PDZD2: variants seen among roughly 807,000 people sequenced by gnomAD.
PDZD2 encodes PDZ domain-containing protein 2.
Under a neutral mutation model 220.7 loss-of-function variants are expected in PDZD2, and 90 were observed. The observed-to-expected ratio is 0.41, with a 90% CI of 0.34 to 0.49. The LOEUF (loss-of-function observed/expected upper bound fraction) is 0.49, where lower values mean the gene tolerates loss of function less well. Among genes scored for constraint, PDZD2 ranks in the 20% least tolerant of loss-of-function variants. The pLI is 0.28. For missense variants in PDZD2, 3,174 were observed against 3,608.5 expected, an observed-to-expected ratio of 0.88 and a Z score of 3.08; for synonymous variants, 1,375 against 1,450.5, an observed-to-expected ratio of 0.95 and a Z score of 1.18.
chr5:31,977,765 G>T (rs915185610), intron 2 of PDZD2, among the ~76,000 whole-genome samples: 8 of 152,196 alleles, frequency 5.3e-5, no homozygotes, highest in Non-Finnish European at 1.2e-4. Flanking sequence ...TTGAGGCCAG[G>T]AGTTCGAGAC....
At chr5:32,077,816 G>A (rs1324815513) in intron 19 of PDZD2, 1 of 459,428 alleles carries the variant, frequency 2.2e-6, no homozygotes, top group East Asian at 4.6e-5. Context: ...AATTAGCCGG[G>A]CGTGGTGGTG....
chr5:32,045,423 C>CTT (rs201242107), intron 7 of PDZD2, among the ~76,000 whole-genome samples: 1 of 143,484 alleles, frequency 7.0e-6, no homozygotes, highest in Non-Finnish European at 1.5e-5. Context: ...TGTGATCTTT[C>CTT]TTTTTTTTTT....
chr5:31,704,497 TAA>T (rs966490388), intron 1 of PDZD2, among the ~76,000 whole-genome samples: 1 of 152,210 alleles, frequency 6.6e-6, no homozygotes, highest in Non-Finnish European at 1.5e-5. Context: ...TGTGTTTCTT[TAA>T]AATAATAAGT....
chr5:31,799,441 G>A lies in PDZD2; in HGVS notation c.193G>A (p.Glu65Lys), dbSNP rs777626634. The A allele has an allele frequency of 1.9e-5, 30 of 1,614,070 alleles. No individual in the cohort carries two copies. The highest frequency in any genetic ancestry group is 1.6e-4 in the Middle Eastern group (1 of 6,084). ...GGTCCCACCTGATCACAGCCCCCCC[G>A]AAATGGAGATCTGTACTGTGTACCT... ...STVPPDHSPPEMEICTVYLTK... is the reference protein window; with the variant it reads ...STVPPDHSPPKMEICTVYLTK... The change falls in exon 2 of 25, where the codon GAA (glutamate) becomes AAA (lysine). Residue 65 changes from glutamate (E) to lysine (K), a missense_variant. By Grantham distance (56) the Glu-to-Lys change is moderately conservative. Transcript: ENST00000438447.
intron 2 of PDZD2, among the ~76,000 whole-genome samples, chr5:31,834,261 A>G (rs182511437): frequency 6.6e-6 from 1 of 152,302 alleles, no homozygotes; most frequent in African/African-American, 2.4e-5. Context: ...GCTCTCCTCC[A>G]CTGCTAGCTG....
At chr5:31,893,081 A>G (rs1466754837) in intron 2 of PDZD2, among the ~76,000 whole-genome samples, 1 of 125,564 alleles carries the variant, frequency 8.0e-6, no homozygotes, top group Admixed American at 8.3e-5. Context: ...AAGAAAGAAT[A>G]TTTTTTTGGA....
chr5:31,641,797 C>T (rs987607213), intron 1 of PDZD2, among the ~76,000 whole-genome samples: 5 of 152,138 alleles, frequency 3.3e-5, no homozygotes, highest in African/African-American at 9.7e-5. Context: ...CCTGGCCCCT[C>T]GTTCTGCTCC....
In PDZD2 at chr5:32,097,369, A is replaced by G. The variant is rs148207259; in HGVS notation, c.7936A>G (p.Lys2646Glu). The G allele has an allele frequency of 6.9e-5, 111 of 1,603,836 alleles. No homozygotes were observed. The highest frequency in any genetic ancestry group is 9.1e-5 in the Non-Finnish European group (107 of 1,170,710). ...GGCAGGAGGGACAGATGTGGAGCCA[A>G]AATCAATCACGGTAAGTGACAGAGT... Reference protein sequence around the residue: ...SVAGGTDVEPKSITVHRVFSQ... With the variant: ...SVAGGTDVEPESITVHRVFSQ... The change falls in exon 22 of 25, where the codon AAA becomes GAA. Residue 2646 changes from lysine to glutamate, a missense_variant. Lys to Glu is a moderately conservative substitution (Grantham distance 56). This residue lies in a region of PDZD2 where 631 missense variants were observed against 789.9 expected (regional missense o/e 0.80). Transcript: ENST00000438447.
chr5:32,021,860 T>A (rs190116627), intron 6 of PDZD2, among the ~76,000 whole-genome samples: 274 of 152,324 alleles, frequency 1.8e-3, no homozygotes, highest in Admixed American at 3.7e-3. Context: ...AAGGTGGCCT[T>A]TGTGTCACCC....
At chr5:32,044,243 C>T (rs1378436673) in intron 7 of PDZD2, among the ~76,000 whole-genome samples, 3 of 152,092 alleles carry the variant, frequency 2.0e-5, no homozygotes, top group Admixed American at 6.5e-5. Context: ...ACAGGAGAAT[C>T]GCTTGAACCC....
intron 1 of PDZD2, among the ~76,000 whole-genome samples, chr5:31,794,249 A>G (rs1452090656): frequency 6.6e-6 from 1 of 152,142 alleles, no homozygotes; most frequent in Non-Finnish European, 1.5e-5. Flanking sequence ...CATTTGTTTA[A>G]TAATTCACCA....
chr5:32,004,590 C>CA (rs1211127642), intron 5 of PDZD2, among the ~76,000 whole-genome samples: 1 of 152,128 alleles, frequency 6.6e-6, no homozygotes, highest in South Asian at 2.1e-4. Context: ...GACCCTGTCT[C>CA]AAAAAACAAA....
At chr5:31,886,436 TTCCTCTC>T (rs1028904342) in intron 2 of PDZD2, among the ~76,000 whole-genome samples, 11 of 152,216 alleles carry the variant, frequency 7.2e-5, no homozygotes, top group East Asian at 1.9e-4. Flanking sequence ...CCGGACTCCC[TTCCTCTC>T]TCCTCTCTCC....
intron 2 of PDZD2, among the ~76,000 whole-genome samples, chr5:31,920,576 A>G (rs1744154182): frequency 6.6e-6 from 1 of 151,806 alleles, no homozygotes; most frequent in Non-Finnish European, 1.5e-5. Context: ...GAAGACTGAG[A>G]CAGGAAGATC....
chr5:31,927,277 G>A lies in PDZD2; in HGVS notation c.477-55878G>A, dbSNP rs571899615. On this transcript the variant is annotated intron_variant, in intron 2 of 24. Transcript: ENST00000438447. Reference sequence around the variant, plus strand: ...AACATAGTACCATGTTGCATCATGGGAGAGAAAAAAAGTGAGGGCAGGGCT... The same window carrying A: ...AACATAGTACCATGTTGCATCATGGAAGAGAAAAAAAGTGAGGGCAGGGCT... Among the ~76,000 whole-genome samples, 5 of 152,278 alleles carry A rather than the reference G, an allele frequency of 3.3e-5. No individual in the cohort carries two copies. The South Asian group carries it at 1.0e-3, about 32-fold the overall frequency.
At chr5:32,047,556 A>G (rs1581370766) in intron 7 of PDZD2, among the ~76,000 whole-genome samples, 3 of 152,232 alleles carry the variant, frequency 2.0e-5, no homozygotes, top group African/African-American at 7.2e-5. Context: ...GAAAAAGAAT[A>G]CGCAACAAAG....
intron 5 of PDZD2, among the ~76,000 whole-genome samples, chr5:32,009,447 G>T (rs1200669219): frequency 1.3e-5 from 2 of 151,990 alleles, no homozygotes; most frequent in Non-Finnish European, 2.9e-5. Context: ...AGGATCTTGG[G>T]CCAGGTGCGG....
intron 1 of PDZD2, among the ~76,000 whole-genome samples, chr5:31,717,485 T>G (rs915837450): frequency 1.3e-5 from 2 of 152,180 alleles, no homozygotes; most frequent in African/African-American, 4.8e-5. Flanking sequence ...GCCAGTAGCT[T>G]ACCTGGCCAC....
At chr5:32,094,114 C>T (rs1371128452) in intron 21 of PDZD2, among the ~76,000 whole-genome samples, 1 of 152,172 alleles carries the variant, frequency 6.6e-6, no homozygotes, top group Non-Finnish European at 1.5e-5. Flanking sequence ...CTTGCTGCCT[C>T]AAGGATAAAG....
Sources: gnomAD v4.1 joint callset for allele counts (sites outside exome capture counted in the v4.1 genomes callset) on GRCh38, gnomAD v4.1.1 for gene constraint, gnomAD v4.1.1 regional missense constraint, MANE v1.5 for transcripts, NCBI Gene and HGNC (gene_info 2026-07-23, HGNC 2026-07-21) for gene names.